CCT2: variants seen among roughly 807,000 people sequenced by gnomAD.
The protein encoded by CCT2 is T-complex protein 1 subunit beta.
CCT2 carries 18 observed loss-of-function variants against 61.8 expected under a neutral mutation model. The ratio of observed to expected loss-of-function variants is 0.29; its 90% confidence interval spans 0.20 to 0.43. The LOEUF (loss-of-function observed/expected upper bound fraction) is 0.43. Ranked by LOEUF, CCT2 falls within the 20% of genes least tolerant of loss-of-function variation. CCT2 has a pLI of 1.00. For synonymous variants in CCT2, 248 were observed against 215.9 expected, an observed-to-expected ratio of 1.15 and a Z score of -1.30; for missense variants, 556 against 656.9, an observed-to-expected ratio of 0.85 and a Z score of 1.68.
chr12:69,590,772 A>C (rs1268965891), intron 7 of CCT2, among the ~76,000 whole-genome samples: 2 of 147,892 alleles, frequency 1.4e-5, no homozygotes, highest in Non-Finnish European at 3.0e-5. Context: ...GCTGGAGTGC[A>C]GCAGTATGAT....
At chr12:69,585,864 T>C in intron 1 of CCT2, 3 of 1,304,718 alleles carry the variant, frequency 2.3e-6, no homozygotes, top group Non-Finnish European at 2.9e-6. Context: ...CGACGGGGTC[T>C]GAGCCATCAG....
At chr12:69,585,647 G>A in intron 1 of CCT2, 123 bp downstream of exon 1, 1 of 1,538,242 alleles carries the variant, frequency 6.5e-7, no homozygotes, top group Non-Finnish European at 8.8e-7. Flanking sequence ...CTCCGCACAT[G>A]GTGCGAGCCA....
At chr12:69,594,419 G>C (rs186166986) in intron 10 of CCT2, among the ~76,000 whole-genome samples, 1 of 152,196 alleles carries the variant, frequency 6.6e-6, no homozygotes, top group Admixed American at 6.5e-5. Context: ...AGTAATAAAC[G>C]TTAGCATACG....
intron 10 of CCT2, among the ~76,000 whole-genome samples, chr12:69,595,601 T>C (rs1405087866): frequency 6.8e-6 from 1 of 146,384 alleles, no homozygotes; most frequent in Non-Finnish European, 1.5e-5. Flanking sequence ...GGCAGGAGAA[T>C]CACTTGAACC....
rs779467422 is a variant in CCT2, at chr12:69,586,760, T to C, written c.86T>C (p.Phe29Ser). ...ERAETARLTS[F>S]IGAIAIGDLV... is the part of the protein sequence containing the mutation. Reference sequence around the variant, plus strand: ...CCTTGGTTTTTACTCCAGACTTCTTTTATTGGTGCCATCGCCATTGGAGAC... The same window carrying C: ...CCTTGGTTTTTACTCCAGACTTCTTCTATTGGTGCCATCGCCATTGGAGAC... The change falls in exon 3 of 16, where the codon TTT becomes TCT. Residue 29 changes from phenylalanine to serine, a missense_variant. Around this residue, in one of 3 missense-constraint regions of CCT2, gnomAD observed 308 missense variants for 350.6 expected, o/e 0.88. Transcript: ENST00000299300. 1.0e-5 allele frequency: 16 copies of C among 1,598,798 alleles called. No individual in the cohort carries two copies. In the East Asian group the frequency reaches 3.6e-4, roughly 36 times the overall value.
At chr12:69,599,522 G>C (rs1343033380) in intron 14 of CCT2, among the ~76,000 whole-genome samples, 1 of 151,992 alleles carries the variant, frequency 6.6e-6, no homozygotes, top group Non-Finnish European at 1.5e-5. Context: ...TGAGTAGCTG[G>C]GATTACAGGT....
intron 6 of CCT2, chr12:69,588,490 TA>T (rs1881733693): frequency 2.4e-6 from 1 of 417,912 alleles, no homozygotes; most frequent in Non-Finnish European, 4.3e-6. Flanking sequence ...AAGCAAATAG[TA>T]TAATACTGTA....
chr12:69,595,787 A>G (rs1881971856), intron 10 of CCT2, among the ~76,000 whole-genome samples: 1 of 145,946 alleles, frequency 6.9e-6, no homozygotes, highest in African/African-American at 2.5e-5. Flanking sequence ...CTCTATACCC[A>G]GAAGAATGTT....
chr12:69,589,311 TG>T, intron 6 of CCT2, 173 bp from the exon 7 acceptor site: 1 of 587,100 alleles, frequency 1.7e-6, no homozygotes, highest in Non-Finnish European at 3.0e-6. Flanking sequence ...GCCAGTTTGG[TG>T]GGGAAAATAA....
chr12:69,591,984 C>A, intron 7 of CCT2, 75 bp from the exon 8 acceptor site: 1 of 776,310 alleles, frequency 1.3e-6, no homozygotes, highest in Non-Finnish European at 2.0e-6. Flanking sequence ...TATGATAAAG[C>A]AGACAGCTTT....
At chr12:69,597,556 C>G (rs2135859098) in intron 11 of CCT2, 82 bp from the exon 12 acceptor site, 2 of 1,406,514 alleles carry the variant, frequency 1.4e-6, no homozygotes, top group South Asian at 2.6e-5. Context: ...CTTTCAGAAC[C>G]CAGTAATATA....
chr12:69,598,450 G>A (rs766050573), intron 14 of CCT2, 29 bp downstream of exon 14: 14 of 1,367,110 alleles, frequency 1.0e-5, no homozygotes, highest in Middle Eastern at 1.8e-4. Context: ...CTTTGTGGCC[G>A]TTGTTAAAAG....
chr12:69,594,169 C>A (rs1205880445), intron 10 of CCT2, among the ~76,000 whole-genome samples: 1 of 150,886 alleles, frequency 6.6e-6, no homozygotes, highest in Non-Finnish European at 1.5e-5. Flanking sequence ...ATATTTTTTT[C>A]TCACAAACCT....
rs186994183 is a variant in CCT2, at chr12:69,587,951, A to G, written c.278A>G (p.Asp93Gly). 1.2e-6 allele frequency: 2 copies of G among 1,613,448 alleles called. No homozygotes were observed. The highest frequency in any genetic ancestry group is 1.7e-6 in the Non-Finnish European group (2 of 1,179,368). The change falls in exon 5 of 16, where the codon GAT (aspartate) becomes GGT (glycine). Residue 93 changes from aspartate to glycine, a missense_variant. Physicochemically the swap from Asp to Gly is moderately conservative, Grantham distance 94. Transcript: ENST00000299300. ...VLVDMSRVQDDEVGDGTTSVT... is the reference protein window; with the variant it reads ...VLVDMSRVQDGEVGDGTTSVT... ...CTAGATATGTCAAGGGTTCAAGATG[A>G]TGAAGTTGGTGATGGCACTACCTCT... is the stretch of plus-strand genomic sequence containing the variant.
Position 69,586,748 on chromosome 12 carries a change from T to C in CCT2, c.79-5T>C. 1 of 1,593,004 alleles carries C rather than the reference T, an allele frequency of 6.3e-7. No individual in the cohort carries two copies. Among genetic ancestry groups the C allele is most frequent in the Non-Finnish European group, 8.5e-7 (1 of 1,169,834 alleles). On this transcript the variant is annotated splice_polypyrimidine_tract_variant and splice_region_variant and intron_variant, in intron 2 of 15. Coordinates refer to ENST00000299300, the MANE Select transcript of CCT2 (RefSeq NM_006431.3). ...TTCTGATAATCTCCTTGGTTTTTAC[T>C]CCAGACTTCTTTTATTGGTGCCATC... is the stretch of plus-strand genomic sequence containing the variant.
chr12:69,585,988 C>A, intron 1 of CCT2: 1 of 1,329,564 alleles, frequency 7.5e-7, no homozygotes, highest in Non-Finnish European at 9.6e-7. Flanking sequence ...ATTCTTAGTT[C>A]AAGATCGTCT....
chr12:69,601,230 T>A (rs1882137797), intron 15 of CCT2, 65 bp from the exon 16 acceptor site: 1 of 1,283,922 alleles, frequency 7.8e-7, no homozygotes, highest in South Asian at 1.4e-5. Context: ...TTGTATTTAG[T>A]ATAATACTTT....
At chr12:69,588,296 T>G (rs1268083786) in intron 6 of CCT2, 34 bp downstream of exon 6, 1 of 1,411,626 alleles carries the variant, frequency 7.1e-7, no homozygotes, top group African/African-American at 1.4e-5. Flanking sequence ...TTCTAAACAT[T>G]TAGTGTTCTT....
At chr12:69,592,536 TG>T (rs1593098013) in intron 8 of CCT2, 1 of 178,530 alleles carries the variant, frequency 5.6e-6, no homozygotes, top group East Asian at 1.5e-4. Flanking sequence ...AGGAATCAAT[TG>T]CACTAAAAAG....
Sources: gnomAD v4.1 joint callset for allele counts (sites outside exome capture counted in the v4.1 genomes callset) on GRCh38, gnomAD v4.1.1 for gene constraint, gnomAD v4.1.1 regional missense constraint, MANE v1.5 for transcripts, NCBI Gene and HGNC (gene_info 2026-07-23, HGNC 2026-07-21) for gene names.